Variants in SYCP2 observed in about 807,000 individuals in gnomAD.
SYCP2 encodes the protein synaptonemal complex protein 2, also known as synaptonemal complex lateral element protein.
Under a neutral mutation model 211.3 loss-of-function variants are expected in SYCP2, and 55 were observed. That is an observed-to-expected ratio of 0.26 (90% CI 0.21 to 0.33). SYCP2 has a LOEUF of 0.33. Among genes scored for constraint, SYCP2 ranks in the 10% least tolerant of loss-of-function variants. The pLI, the probability that SYCP2 is intolerant of heterozygous loss-of-function variation, is 1.00. For synonymous variants in SYCP2, 570 were observed against 555.2 expected (o/e 1.03, Z -0.37); for missense variants, 1,731 against 1,752.0 (o/e 0.99, Z 0.21).
At chr20:59,876,123 A>G (rs953028483) in intron 33 of SYCP2, among the ~76,000 whole-genome samples, 15 of 152,058 alleles carry the variant, frequency 9.9e-5, no homozygotes, top group African/African-American at 3.6e-4. Context: ...CTGTAATCCC[A>G]GCACTTTGGG....
intron 2 of SYCP2, among the ~76,000 whole-genome samples, chr20:59,931,760 C>G (rs2060746623): frequency 6.6e-6 from 1 of 151,986 alleles, no homozygotes; most frequent in South Asian, 2.1e-4. Flanking sequence ...TGGGGAAAAA[C>G]AAACCAAGGA....
At chr20:59,902,145 CAAACA>C (rs2060126957) in intron 15 of SYCP2, among the ~76,000 whole-genome samples, 1 of 151,942 alleles carries the variant, frequency 6.6e-6, no homozygotes, top group African/African-American at 2.4e-5. Context: ...TAAAAAAAGG[CAAACA>C]AAAACAATAA....
chr20:59,882,206 G>C (rs1162336708), intron 26 of SYCP2, 41 bp from the exon 27 acceptor site: 2 of 1,448,582 alleles, frequency 1.4e-6, no homozygotes, highest in African/African-American at 1.4e-5. Context: ...ATGGCTAACA[G>C]GTATATGAAA....
At chr20:59,907,259 T>A in intron 15 of SYCP2, 105 bp downstream of exon 15, 1 of 715,428 alleles carries the variant, frequency 1.4e-6, no homozygotes, top group South Asian at 1.7e-5. Flanking sequence ...TCTGAAAATA[T>A]TGATTTTGCT....
intron 24 of SYCP2, among the ~76,000 whole-genome samples, chr20:59,889,303 G>A (rs1219378306): frequency 1.3e-5 from 2 of 152,014 alleles, no homozygotes; most frequent in Admixed American, 6.6e-5. Context: ...GATGCAAGAT[G>A]TTAATAATAG....
chr20:59,881,532 CAAAAT>C (rs1422075674), intron 28 of SYCP2, 40 bp from the exon 29 acceptor site: 3 of 1,030,572 alleles, frequency 2.9e-6, no homozygotes, highest in South Asian at 1.8e-5. Context: ...GTGTCAGTGT[CAAAAT>C]AAAAAAGATT....
rs1009635060 is a variant in SYCP2, at chr20:59,915,168, C to T, written c.631G>A (p.Gly211Arg). ...GATTTGGAAAAGACATACTTACCTC[C>T]AGCATCTAAAATCCTTTCTCCCATA... ...SSMGERILDA[G>R]DYDLQVGIVE... is the part of the protein sequence containing the mutation. Residue 211 changes from glycine (G) to arginine (R), a missense_variant, in exon 10 of 45, where the codon GGA becomes AGA. This residue lies in a region of SYCP2 where 335 missense variants were observed against 378.8 expected (regional missense o/e 0.88). Coordinates refer to ENST00000357552, the MANE Select transcript of SYCP2 (RefSeq NM_014258.4). 6.4e-7 allele frequency: 1 copy of T among 1,570,912 alleles called. No homozygotes were observed. The highest frequency in any genetic ancestry group is 1.4e-5 in the African/African-American group (1 of 74,062).
At chr20:59,867,223 G>T (rs2059367422) in intron 39 of SYCP2, among the ~76,000 whole-genome samples, 1 of 148,482 alleles carries the variant, frequency 6.7e-6, no homozygotes, top group Non-Finnish European at 1.5e-5. Context: ...GAGATAGGCA[G>T]AAATATATTA....
At chr20:59,905,942 A>T (rs1299303868) in intron 15 of SYCP2, among the ~76,000 whole-genome samples, 1 of 152,096 alleles carries the variant, frequency 6.6e-6, no homozygotes, top group Non-Finnish European at 1.5e-5. Flanking sequence ...TAGTAAAACT[A>T]CCTCTTTTGC....
At chr20:59,868,030 T>C (rs1207072429) in intron 38 of SYCP2, among the ~76,000 whole-genome samples, 183 bp from the exon 39 acceptor site, 1 of 151,884 alleles carries the variant, frequency 6.6e-6, no homozygotes, top group Admixed American at 6.6e-5. Flanking sequence ...TATTCTGATT[T>C]ATAAAACAAA....
At chr20:59,901,605 C>T in intron 16 of SYCP2, 57 bp downstream of exon 16, 2 of 1,104,812 alleles carry the variant, frequency 1.8e-6, no homozygotes, top group East Asian at 2.5e-5. Context: ...ACTTATAACG[C>T]CAAACTGTTT....
intron 35 of SYCP2, among the ~76,000 whole-genome samples, chr20:59,871,507 T>C (rs1372851087): frequency 6.6e-6 from 1 of 151,898 alleles, no homozygotes; most frequent in Non-Finnish European, 1.5e-5. Context: ...AAATTCCATC[T>C]AACACAGAGT....
rs2059504027 is a variant in SYCP2, at chr20:59,873,933, T to C, written c.3478A>G (p.Lys1160Glu). The C allele has an allele frequency of 1.1e-5, 18 of 1,613,328 alleles. No individual in the cohort carries two copies. Among genetic ancestry groups the C allele is most frequent in the Non-Finnish European group, 1.5e-5 (18 of 1,179,616 alleles). Residue 1160 changes from lysine (K) to glutamate (E), a missense_variant, in exon 35 of 45, where the codon AAG becomes GAG. By Grantham distance (56) the Lys-to-Glu change is moderately conservative. Around this residue, in one of 3 missense-constraint regions of SYCP2, gnomAD observed 1,387 missense variants for 1,351.3 expected, o/e 1.03. Coordinates refer to ENST00000357552, the MANE Select transcript of SYCP2 (RefSeq NM_014258.4). ...NSNSGVGGTI[K>E]SPKNNEKNFL... ...TTTTTCTCATTGTTTTTGGGTGACT[T>C]TATTGTACCTCCAACTCCACTGTTA... is the stretch of plus-strand genomic sequence containing the variant.
intron 8 of SYCP2, 53 bp from the exon 9 acceptor site, chr20:59,915,603 T>C: frequency 9.0e-7 from 1 of 1,108,212 alleles, no homozygotes; most frequent in Non-Finnish European, 1.4e-6. Flanking sequence ...GAAACACTAT[T>C]AAGAGAAATA....
At chr20:59,872,933 T>C (rs182198781) in intron 35 of SYCP2, among the ~76,000 whole-genome samples, 141 of 152,174 alleles carry the variant, frequency 9.3e-4, no homozygotes, top group Non-Finnish European at 1.0e-3. Context: ...TTGGTTTAGG[T>C]GTTTATAAGG....
At chr20:59,893,689 G>A in intron 20 of SYCP2, 96 bp from the exon 21 acceptor site, 1 of 776,414 alleles carries the variant, frequency 1.3e-6, no homozygotes. Context: ...AAACAAATCT[G>A]CCTTGATATG....
chr20:59,867,616 T>G (rs892578240), intron 39 of SYCP2, 95 bp downstream of exon 39: 2 of 1,089,926 alleles, frequency 1.8e-6, no homozygotes, highest in Non-Finnish European at 2.6e-6. Flanking sequence ...ATGGATATTT[T>G]GTTGCCAAAG....
Position 59,893,570 on chromosome 20 carries a change from T to C in SYCP2, c.1689A>G (p.Val563=), listed in dbSNP as rs747196800. 4.3e-6 allele frequency: 7 copies of C among 1,609,210 alleles called. No homozygotes were observed. In the South Asian group the frequency reaches 6.6e-5, roughly 15 times the overall value. Residue 563 remains valine, a synonymous_variant, in exon 21 of 45, where the codon GTA becomes GTG. Transcript: ENST00000357552. ...CAACATTCTTATTTTCTGTGTTTTC[T>C]ACACACTTAGCAGTTTTGATATGCT... ...IDKHIKTAKC[V]ENTENKNVEF... is the part of the protein sequence containing the mutation.
In SYCP2 at chr20:59,886,763, G is replaced by T; in HGVS notation, c.2436C>A (p.Tyr812Ter). 1 of 1,587,298 alleles carries T rather than the reference G, an allele frequency of 6.3e-7. No individual in the cohort carries two copies. Among genetic ancestry groups the T allele is most frequent in the Admixed American group, 1.8e-5 (1 of 54,884 alleles). The change falls in exon 25 of 45, where the codon TAC (tyrosine) becomes TAA (stop). Residue 812 changes from tyrosine (Y) to a stop codon, truncating the protein, a stop_gained. Transcript: ENST00000357552. LOFTEE classifies it high-confidence loss of function. ...ESLISQINKR[Y>*]KTKDDIKSTR... Reference sequence around the variant, plus strand: ...TAGACTTGATGTCATCTTTTGTTTTGTATCTTTTATTGATTTGGCTTATCA... The same window carrying T: ...TAGACTTGATGTCATCTTTTGTTTTTTATCTTTTATTGATTTGGCTTATCA...
Sources: allele counts gnomAD v4.1 joint callset (sites outside exome capture counted in the v4.1 genomes callset), GRCh38; gene constraint gnomAD v4.1.1; regional missense constraint gnomAD v4.1.1; transcripts MANE v1.5; gene names NCBI Gene and HGNC (gene_info 2026-07-23, HGNC 2026-07-21).